Variants in CDH18 observed in about 807,000 individuals in gnomAD.
CDH18 encodes the protein cadherin-18.
In CDH18, 31 loss-of-function variants were observed where a neutral mutation model predicts 67.9. The observed-to-expected ratio is 0.46, with a 90% CI of 0.34 to 0.62. The LOEUF (loss-of-function observed/expected upper bound fraction) is 0.62. Among genes scored for constraint, CDH18 ranks in the 20% least tolerant of loss-of-function variants. CDH18 has a pLI of 0.01. For synonymous variants in CDH18, 362 were observed against 347.2 expected (o/e 1.04, Z -0.48); for missense variants, 890 against 975.5 (o/e 0.91, Z 1.17).
At chr5:19,819,366 T>C (rs1035500670) in intron 3 of CDH18, among the ~76,000 whole-genome samples, 2 of 152,186 alleles carry the variant, frequency 1.3e-5, no homozygotes, top group Admixed American at 6.5e-5. Context: ...AGATGTCTCT[T>C]CCAACAAGAG....
chr5:20,295,125 G>A (rs912271200), intron 1 of CDH18, among the ~76,000 whole-genome samples: 1 of 152,180 alleles, frequency 6.6e-6, no homozygotes, highest in Non-Finnish European at 1.5e-5. Flanking sequence ...AAATGGCACA[G>A]ATATACACTG....
chr5:20,352,806 T>A (rs1032356929), intron 1 of CDH18, among the ~76,000 whole-genome samples: 3 of 147,996 alleles, frequency 2.0e-5, no homozygotes, highest in Admixed American at 2.0e-4. Context: ...AAAATAAAAA[T>A]AAAAAAAAAA....
intron 2 of CDH18, among the ~76,000 whole-genome samples, chr5:20,193,645 A>G (rs766065957): frequency 2.0e-5 from 3 of 152,106 alleles, no homozygotes; most frequent in African/African-American, 7.2e-5. Context: ...AGACACAACA[A>G]AAAAAGAAAA....
At chr5:20,299,403 TACACACACACACAC>T (rs56003449) in intron 1 of CDH18, among the ~76,000 whole-genome samples, 3,019 of 138,762 alleles carry the variant, frequency 0.022, 88 homozygotes, top group East Asian at 0.098. Flanking sequence ...CAACATTAGC[TACACACACACACAC>T]ACACACACAC....
intron 1 of CDH18, among the ~76,000 whole-genome samples, chr5:20,434,261 G>A (rs1403844285): frequency 6.6e-6 from 1 of 152,024 alleles, no homozygotes; most frequent in African/African-American, 2.4e-5. Context: ...ACATTGATGA[G>A]GAAAGTCTCA....
At chr5:19,512,435 C>A (rs78564482) in intron 10 of CDH18, among the ~76,000 whole-genome samples, 1 of 151,918 alleles carries the variant, frequency 6.6e-6, no homozygotes, top group Non-Finnish European at 1.5e-5. Context: ...AAATAAAGAT[C>A]CACTGAGGCA....
intron 2 of CDH18, among the ~76,000 whole-genome samples, chr5:20,114,357 A>G (rs1028304595): frequency 5.3e-5 from 8 of 152,162 alleles, no homozygotes; most frequent in Non-Finnish European, 7.4e-5. Flanking sequence ...GACTAAGACA[A>G]GTTCAGAATT....
intron 2 of CDH18, among the ~76,000 whole-genome samples, chr5:20,197,438 A>G (rs1739069923): frequency 6.6e-6 from 1 of 152,202 alleles, no homozygotes; most frequent in African/African-American, 2.4e-5. Context: ...AAAATTAAAA[A>G]CTGCCCATTA....
intron 2 of CDH18, among the ~76,000 whole-genome samples, chr5:20,086,497 T>C (rs13176196): frequency 8.5e-4 from 129 of 152,294 alleles, no homozygotes; most frequent in Admixed American, 4.6e-3. Flanking sequence ...AGGAGTTTCA[T>C]AGCTAGAGAA....
chr5:19,879,182 T>C (rs1455016644), intron 2 of CDH18, among the ~76,000 whole-genome samples: 1 of 152,028 alleles, frequency 6.6e-6, no homozygotes, highest in African/African-American at 2.4e-5. Flanking sequence ...ATCAATTTTT[T>C]TAAAAAAGCA....
intron 8 of CDH18, among the ~76,000 whole-genome samples, chr5:19,554,113 T>C (rs1737953575): frequency 6.6e-6 from 1 of 152,220 alleles, no homozygotes; most frequent in South Asian, 2.1e-4. Flanking sequence ...GTGAGTATTG[T>C]GCTTATGTGC....
At chr5:20,231,054 G>T (rs1452061397) in intron 2 of CDH18, among the ~76,000 whole-genome samples, 1 of 152,166 alleles carries the variant, frequency 6.6e-6, no homozygotes, top group African/African-American at 2.4e-5. Context: ...TCTTGGCATT[G>T]GTAGGTATGA....
intron 1 of CDH18, among the ~76,000 whole-genome samples, chr5:20,481,701 AT>A (rs1244733482): frequency 6.6e-6 from 1 of 152,126 alleles, no homozygotes; most frequent in East Asian, 1.9e-4. Context: ...CTCCTAAAAG[AT>A]TAGTGGGTCA....
intron 2 of CDH18, among the ~76,000 whole-genome samples, chr5:20,124,730 C>T (rs6451668): frequency 0.85 from 129,513 of 152,064 alleles, 56,506 homozygotes; most frequent in Non-Finnish European, 0.94. Context: ...TTTTGTTTAC[C>T]GATGCATCCC....
At chr5:20,437,147 G>GA (rs67438100) in intron 1 of CDH18, among the ~76,000 whole-genome samples, 32,024 of 148,790 alleles carry the variant, frequency 0.22, 3,724 homozygotes, top group East Asian at 0.3. Context: ...CATTGCTTAG[G>GA]AAAAAAAAAT....
At chr5:19,559,926 A>AAAC (rs1554046196) in intron 8 of CDH18, among the ~76,000 whole-genome samples, 24 of 126,602 alleles carry the variant, frequency 1.9e-4, no homozygotes, top group African/African-American at 6.1e-4. Context: ...AAAAACAAAC[A>AAAC]AAAAAAAAAC....
chr5:19,735,925 C>T (rs963996417), intron 4 of CDH18, among the ~76,000 whole-genome samples: 2 of 152,032 alleles, frequency 1.3e-5, no homozygotes, highest in African/African-American at 4.8e-5. Flanking sequence ...TCATGGATAT[C>T]TACATGACAA....
intron 2 of CDH18, among the ~76,000 whole-genome samples, chr5:19,966,292 C>T (rs961820010): frequency 1.3e-5 from 2 of 152,038 alleles, no homozygotes; most frequent in African/African-American, 4.8e-5. Flanking sequence ...AATGCTCTTG[C>T]TCAGAGAGAA....
intron 2 of CDH18, among the ~76,000 whole-genome samples, chr5:19,947,628 GCGCCTGCGCCTGCACT>G (rs1579742505): frequency 6.7e-6 from 1 of 148,416 alleles, no homozygotes; most frequent in East Asian, 2.0e-4. Flanking sequence ...GCCAGGTGTG[GCGCCTGCGCCTGCACT>G]CCCAGCTACT....
Sources: gnomAD v4.1 joint callset for allele counts (sites outside exome capture counted in the v4.1 genomes callset) on GRCh38, gnomAD v4.1.1 for gene constraint, MANE v1.5 for transcripts, NCBI Gene and HGNC (gene_info 2026-07-23, HGNC 2026-07-21) for gene names.